PXDNL: variants seen among roughly 807,000 people sequenced by gnomAD.
The protein encoded by PXDNL is peroxidasin like.
Under a neutral mutation model 150.8 loss-of-function variants are expected in PXDNL, and 145 were observed. The observed-to-expected ratio is 0.96, with a 90% CI of 0.84 to 1.10. The LOEUF is 1.10. Ranked by LOEUF, PXDNL falls within the 50% of genes least tolerant of loss-of-function variation. PXDNL has a pLI of 0.00. For missense variants in PXDNL, 2,087 were observed against 1,873.9 expected, an observed-to-expected ratio of 1.11 and a Z score of -2.10; for synonymous variants, 757 against 725.7, an observed-to-expected ratio of 1.04 and a Z score of -0.69.
intron 1 of PXDNL, among the ~76,000 whole-genome samples, chr8:51,791,981 T>A (rs541943353): frequency 1.2e-4 from 18 of 152,008 alleles, no homozygotes; most frequent in Non-Finnish European, 2.4e-4. Context: ...TTCTTTTGCA[T>A]TCAAAAAATT....
At chr8:51,371,531 T>C (rs906908551) in intron 19 of PXDNL, among the ~76,000 whole-genome samples, 4 of 152,212 alleles carry the variant, frequency 2.6e-5, no homozygotes, top group African/African-American at 9.7e-5. Flanking sequence ...ATTTCTCTTT[T>C]GTTAGATGAA....
intron 1 of PXDNL, among the ~76,000 whole-genome samples, chr8:51,798,036 A>G (rs1468884133): frequency 6.6e-6 from 1 of 152,216 alleles, no homozygotes; most frequent in Non-Finnish European, 1.5e-5. Context: ...ATCTACAATC[A>G]GCTGATCTTC....
intron 3 of PXDNL, among the ~76,000 whole-genome samples, chr8:51,558,485 G>A (rs1812642206): frequency 6.6e-6 from 1 of 152,060 alleles, no homozygotes; most frequent in South Asian, 2.1e-4. Context: ...GCATAAAGAA[G>A]TTGACTTCTA....
chr8:51,534,361 G>T (rs1812003492), intron 4 of PXDNL, among the ~76,000 whole-genome samples: 1 of 144,040 alleles, frequency 6.9e-6, no homozygotes, highest in Non-Finnish European at 1.5e-5. Flanking sequence ...GTGGGGGGGG[G>T]TCAGCCCCCG....
At chr8:51,607,902 G>T (rs1431501979) in intron 2 of PXDNL, among the ~76,000 whole-genome samples, 1 of 107,880 alleles carries the variant, frequency 9.3e-6, no homozygotes, top group African/African-American at 5.0e-5. Flanking sequence ...GGAAGGTGGG[G>T]AGGGAGGGAG....
chr8:51,362,668 T>C (rs193123670), intron 19 of PXDNL, among the ~76,000 whole-genome samples: 44 of 152,322 alleles, frequency 2.9e-4, no homozygotes, highest in Non-Finnish European at 5.7e-4. Context: ...TTGTTTGGCC[T>C]GGGAGTTGGC....
At chr8:51,574,762 C>T (rs183352779) in intron 3 of PXDNL, among the ~76,000 whole-genome samples, 89 of 152,080 alleles carry the variant, frequency 5.9e-4, no homozygotes, top group African/African-American at 2.1e-3. Context: ...TACATTTTTC[C>T]AGTGGTGAAA....
chr8:51,665,028 A>G (rs7007297), intron 1 of PXDNL, among the ~76,000 whole-genome samples: 101,600 of 152,074 alleles, frequency 0.67, 34,432 homozygotes, highest in Non-Finnish European at 0.72. Flanking sequence ...AGACGCACAG[A>G]TGGTGGCAGC....
At chr8:51,527,031 C>T (rs1332542546) in intron 4 of PXDNL, among the ~76,000 whole-genome samples, 1 of 152,200 alleles carries the variant, frequency 6.6e-6, no homozygotes, top group Non-Finnish European at 1.5e-5. Context: ...CTTCATATAC[C>T]TCTTTCCCTT....
At chr8:51,489,910 T>C (rs1179791597) in intron 5 of PXDNL, among the ~76,000 whole-genome samples, 3 of 152,120 alleles carry the variant, frequency 2.0e-5, no homozygotes, top group African/African-American at 7.2e-5. Context: ...AAAGGAAGAA[T>C]GGAGACCAGA....
At chr8:51,423,919 G>A (rs894887406) in intron 13 of PXDNL, among the ~76,000 whole-genome samples, 188 bp from the exon 14 acceptor site, 5 of 152,122 alleles carry the variant, frequency 3.3e-5, no homozygotes, top group Non-Finnish European at 5.9e-5. Context: ...TCTAGGAAGT[G>A]TGGTTTTTCT....
At chr8:51,708,681 C>T (rs1004978398) in intron 1 of PXDNL, among the ~76,000 whole-genome samples, 12 of 151,956 alleles carry the variant, frequency 7.9e-5, no homozygotes, top group Non-Finnish European at 1.5e-4. Context: ...AGAAGAGAAC[C>T]GAATCTATGG....
intron 2 of PXDNL, among the ~76,000 whole-genome samples, chr8:51,653,760 T>C (rs1815090559): frequency 6.6e-6 from 1 of 152,188 alleles, no homozygotes. Context: ...GGCCTGAATA[T>C]GGTGAGTTCA....
chr8:51,802,509 T>C (rs1478121575), intron 1 of PXDNL, among the ~76,000 whole-genome samples: 3 of 152,174 alleles, frequency 2.0e-5, no homozygotes, highest in Non-Finnish European at 4.4e-5. Flanking sequence ...ATTGTTAGTG[T>C]TAGTGTATTT....
At chr8:51,563,699 A>C (rs774877247) in intron 3 of PXDNL, among the ~76,000 whole-genome samples, 2 of 151,972 alleles carry the variant, frequency 1.3e-5, no homozygotes, top group East Asian at 3.9e-4. Context: ...TATTTTTTGC[A>C]CTACTCAATA....
chr8:51,714,076 A>T (rs1430650294), intron 1 of PXDNL, among the ~76,000 whole-genome samples: 2 of 152,364 alleles, frequency 1.3e-5, no homozygotes, highest in Non-Finnish European at 2.9e-5. Flanking sequence ...CAAAATGGAT[A>T]GTACATTGAG....
chr8:51,452,324 C>A (rs1809824773), intron 10 of PXDNL, among the ~76,000 whole-genome samples: 1 of 152,084 alleles, frequency 6.6e-6, no homozygotes, highest in South Asian at 2.1e-4. Flanking sequence ...CCAGAAGTTA[C>A]CAAAGACCTC....
intron 17 of PXDNL, among the ~76,000 whole-genome samples, chr8:51,392,754 T>C (rs1807952849): frequency 6.6e-6 from 1 of 152,210 alleles, no homozygotes; most frequent in Admixed American, 6.5e-5. Flanking sequence ...CTAATTGCCC[T>C]GGCCAGAACT....
intron 5 of PXDNL, among the ~76,000 whole-genome samples, chr8:51,494,731 T>C (rs1811002679): frequency 6.6e-6 from 1 of 151,938 alleles, no homozygotes; most frequent in South Asian, 2.1e-4. Flanking sequence ...AAGAGCTAAC[T>C]CTCCTAAATA....
Sources: allele counts gnomAD v4.1 joint callset (sites outside exome capture counted in the v4.1 genomes callset), GRCh38; gene constraint gnomAD v4.1.1; transcripts MANE v1.5; gene names NCBI Gene and HGNC (gene_info 2026-07-23, HGNC 2026-07-21).